UPF1: variants seen among roughly 807,000 people sequenced by gnomAD.
UPF1 encodes the protein UPF1 RNA helicase and ATPase.
Under a neutral mutation model 129.2 loss-of-function variants are expected in UPF1, and 9 were observed. That is an observed-to-expected ratio of 0.07 (90% confidence interval 0.04 to 0.12). The LOEUF is 0.12. Among genes scored for constraint, UPF1 ranks in the 10% least tolerant of loss-of-function variants. UPF1 has a pLI of 1.00. For synonymous variants in UPF1, 649 were observed against 644.9 expected (o/e 1.01, Z -0.10); for missense variants, 788 against 1,525.3 (o/e 0.52, Z 8.05).
intron 17 of UPF1, 50 bp from the exon 18 acceptor site, chr19:18,861,959 GA>G (rs1264953772): frequency 1.9e-5 from 30 of 1,602,456 alleles, no homozygotes; most frequent in Non-Finnish European, 2.3e-5. Flanking sequence ...ATTTTGGGGG[GA>G]CTGGGAAGGC....
At chr19:18,848,919 C>T (rs1357326337) in intron 3 of UPF1, 2 of 152,222 alleles carry the variant, frequency 1.3e-5, no homozygotes, top group Admixed American at 6.5e-5. Context: ...TAGCTGGCAA[C>T]CCCAGCTTCC....
At chr19:18,835,517 ATTT>A (rs1270886793) in intron 1 of UPF1, among the ~76,000 whole-genome samples, 1 of 151,964 alleles carries the variant, frequency 6.6e-6, no homozygotes, top group Non-Finnish European at 1.5e-5. Flanking sequence ...TAATTTTTGT[ATTT>A]TTAGTAGAGA....
rs367795323 is a variant in UPF1 at position 18,860,913 on chromosome 19, C to T, written c.2388C>T (p.Tyr796=). ...KPDQIGIITP[Y]EGQRSYLVQY... is the part of the protein sequence containing the mutation. ...ACCAGATTGGCATCATCACGCCCTA[C>T]GAGGGCCAGCGCTCCTACCTGGTGC... The change falls in exon 17 of 24, where the codon TAC becomes TAT. Residue 796 remains tyrosine, a synonymous_variant. Coordinates refer to ENST00000262803, the MANE Select transcript of UPF1 (RefSeq NM_002911.4). The T allele has an allele frequency of 2.1e-4, 337 of 1,600,180 alleles. 4 individuals are homozygous for T. The Middle Eastern group carries it at 7.5e-3, about 35-fold the overall frequency.
intron 17 of UPF1, 146 bp from the exon 18 acceptor site, chr19:18,861,864 A>AGGGG: frequency 9.4e-7 from 1 of 1,059,566 alleles, no homozygotes; most frequent in African/African-American, 1.6e-5. Context: ...CAGCAGAGCC[A>AGGGG]GGACAGCCCC....
At chr19:18,860,471 G>A (rs750346472) in intron 16 of UPF1, 33 bp downstream of exon 16, 1 of 1,602,664 alleles carries the variant, frequency 6.2e-7, no homozygotes, top group South Asian at 1.1e-5. Flanking sequence ...GCGTCTGCAG[G>A]TCTTGGGGAC....
At chr19:18,857,641 A>T in intron 15 of UPF1, 108 bp downstream of exon 15, 1 of 1,266,752 alleles carries the variant, frequency 7.9e-7, no homozygotes, top group Non-Finnish European at 1.1e-6. Context: ...GCGGCTTCAC[A>T]TAGCCACTGC....
At chr19:18,833,469 G>A (rs1028966883) in intron 1 of UPF1, among the ~76,000 whole-genome samples, 13 of 149,764 alleles carry the variant, frequency 8.7e-5, no homozygotes, top group African/African-American at 3.2e-4. Flanking sequence ...TTTAGAGAAG[G>A]TTACTTAGGT....
intron 23 of UPF1, 34 bp downstream of exon 23, chr19:18,866,200 C>T (rs1159244196): frequency 6.5e-7 from 1 of 1,536,212 alleles, no homozygotes; most frequent in Non-Finnish European, 8.8e-7. Flanking sequence ...GGCCCCACCC[C>T]AGCCTCAAGG....
At chr19:18,855,559 C>T (rs912790927) in intron 11 of UPF1, 28 of 513,306 alleles carry the variant, frequency 5.5e-5, no homozygotes, top group African/African-American at 7.7e-5. Flanking sequence ...GCATTGCTTG[C>T]GGTGGGTAGA....
intron 11 of UPF1, chr19:18,855,477 C>T: frequency 1.7e-6 from 1 of 596,846 alleles, no homozygotes; most frequent in East Asian, 2.9e-5. Context: ...GCAGGGGGGG[C>T]ATGGCTGCAG....
rs1173516221 is a variant in UPF1 at position 18,853,531 on chromosome 19, G to A, written c.1156+181G>A. On this transcript the variant is annotated intron_variant, in intron 8 of 23. Coordinates refer to ENST00000262803, the MANE Select transcript of UPF1 (RefSeq NM_002911.4). The surrounding 1 kb of genome is among the most constrained non-coding windows in gnomAD (Gnocchi z 4.4). The stretch of plus-strand genomic sequence containing the variant: ...AATCACAGGGCCTTCACCTTCAGGG[G>A]ACAGCTGGTTGTATGGTTGCTTCCC... Among the ~76,000 whole-genome samples, 5 of 152,224 alleles carry A rather than the reference G, an allele frequency of 3.3e-5. No individual in the cohort carries two copies. The highest frequency in any genetic ancestry group is 2.6e-4 in the Admixed American group (4 of 15,282).
At chr19:18,836,390 A>C (rs2055483499) in intron 1 of UPF1, among the ~76,000 whole-genome samples, 1 of 152,196 alleles carries the variant, frequency 6.6e-6, no homozygotes, top group Non-Finnish European at 1.5e-5. Context: ...AACTATTGAT[A>C]CCTGCAACAA....
rs554313657 is a variant in UPF1 at position 18,864,090 on chromosome 19, A to C, written c.2776-80A>C. 13 of 1,298,738 alleles carry C rather than the reference A, an allele frequency of 1.0e-5. No individual in the cohort carries two copies. The Admixed American group carries it at 1.0e-4, about 10-fold the overall frequency. The allele number at this position is 1,298,738 out of a possible 1,614,324, so 80.5% of individuals were successfully genotyped here. ...AACACCTCACAGCTGCATACCTGCC[A>C]CCTCCCAGGCCACCGGGCCCGTGGG... On this transcript the variant is annotated intron_variant, in intron 19 of 23. Transcript: ENST00000262803.
At chr19:18,861,057 C>G (rs1484227407) in intron 17 of UPF1, 75 bp downstream of exon 17, 2 of 1,482,754 alleles carry the variant, frequency 1.3e-6, no homozygotes, top group African/African-American at 1.4e-5. Context: ...TAAGTTACCC[C>G]CCAAGAGGGG....
Position 18,854,935 on chromosome 19 carries a change from T to C in UPF1, c.1322T>C (p.Ile441Thr). Residue 441 changes from isoleucine to threonine, a missense_variant, in exon 10 of 24, where the codon ATC becomes ACC. Ile to Thr is a moderately conservative substitution (Grantham distance 89). Around this residue, in one of 6 missense-constraint regions of UPF1, gnomAD observed 227 missense variants for 517.9 expected, o/e 0.44. Coordinates refer to ENST00000262803, the MANE Select transcript of UPF1 (RefSeq NM_002911.4). The part of the protein sequence containing the change: ...AVDETSVSGY[I>T]YHKLLGHEVE... ...GATGAGACCTCGGTGTCTGGCTACA[T>C]CTACCACAAGCTGTTGGGCCACGAG... 1 of 1,614,226 alleles carries C rather than the reference T, an allele frequency of 6.2e-7. No homozygotes were observed. Among genetic ancestry groups the C allele is most frequent in the Non-Finnish European group, 8.5e-7 (1 of 1,180,050 alleles).
chr19:18,833,539 G>T (rs1039165161), intron 1 of UPF1, among the ~76,000 whole-genome samples: 1 of 151,204 alleles, frequency 6.6e-6, no homozygotes, highest in Admixed American at 6.6e-5. Flanking sequence ...GGTCCTGGGC[G>T]CTGCTTGCCT....
rs1191763170 is a variant in UPF1, at chr19:18,867,064, TTC to T, written c.*551_*552del. The T allele has an allele frequency of 6.6e-6, 1 of 152,608 alleles. No individual in the cohort carries two copies. The highest frequency in any genetic ancestry group is 1.5e-5 in the Non-Finnish European group (1 of 68,034). 9.5% of individuals were successfully genotyped at this position (152,608 alleles called of 1,614,324 possible). A position where few individuals can be genotyped will look rare whatever the true frequency, so the allele number is the denominator to read the frequency against. ...AAGAAAATAAGGGTGTTTTGGGTTTTTCTCTTTGTTTTTTTCAAGATTCTTTT... is the reference window on the plus strand; with the variant it reads ...AAGAAAATAAGGGTGTTTTGGGTTTTTCTTTGTTTTTTTCAAGATTCTTTT... On this transcript the variant is annotated 3_prime_UTR_variant, in exon 24 of 24. Coordinates refer to ENST00000262803, the MANE Select transcript of UPF1 (RefSeq NM_002911.4).
At chr19:18,836,770 T>TG in intron 1 of UPF1, among the ~76,000 whole-genome samples, 2 of 150,410 alleles carry the variant, frequency 1.3e-5, no homozygotes, top group Admixed American at 1.3e-4. Context: ...TTTTTTTTTT[T>TG]GGAGACGGAG....
At chr19:18,834,165 G>A (rs1319912257) in intron 1 of UPF1, among the ~76,000 whole-genome samples, 4 of 152,134 alleles carry the variant, frequency 2.6e-5, no homozygotes, top group African/African-American at 9.7e-5. Flanking sequence ...AAACATAAAG[G>A]AAACCTAGAT....
Sources: allele counts gnomAD v4.1 joint callset (sites outside exome capture counted in the v4.1 genomes callset), GRCh38; gene constraint gnomAD v4.1.1; regional missense constraint gnomAD v4.1.1; non-coding constraint Gnocchi (gnomAD v3.1); transcripts MANE v1.5; gene names NCBI Gene and HGNC (gene_info 2026-07-23, HGNC 2026-07-21).